Variants in UBE4B observed in about 807,000 individuals in gnomAD.
UBE4B encodes the protein ubiquitination factor E4B, also known as ubiquitin conjugation factor E4 B.
Under a neutral mutation model 148.1 loss-of-function variants are expected in UBE4B, and 27 were observed. The ratio of observed to expected loss-of-function variants is 0.18; its 90% CI spans 0.13 to 0.25. The LOEUF (loss-of-function observed/expected upper bound fraction) is 0.25. UBE4B is among the 10% of genes least tolerant of loss of function. UBE4B has a pLI of 1.00. For synonymous variants in UBE4B, 596 were observed against 619.3 expected (o/e 0.96, Z 0.56); for missense variants, 1,170 against 1,662.4 (o/e 0.70, Z 5.15).
intron 1 of UBE4B, among the ~76,000 whole-genome samples, chr1:10,058,081 G>A (rs573183932): frequency 6.6e-6 from 1 of 152,278 alleles, no homozygotes; most frequent in East Asian, 1.9e-4. Context: ...GCCAGGAGCC[G>A]ACATGGATGA....
chr1:10,148,218 T>TC (rs1400018806), intron 19 of UBE4B, among the ~76,000 whole-genome samples: 4 of 142,604 alleles, frequency 2.8e-5, no homozygotes, highest in African/African-American at 1.0e-4. Flanking sequence ...CGAGCAAGAC[T>TC]CCATCTCAAA....
chr1:10,132,626 A>G (rs111337758), intron 15 of UBE4B, 144 bp downstream of exon 15: 1 of 632,532 alleles, frequency 1.6e-6, no homozygotes, highest in Non-Finnish European at 2.8e-6. Flanking sequence ...TGTGGAGCCC[A>G]TGTTCCACAG....
chr1:10,115,742 A>G (rs1229455221), intron 7 of UBE4B, among the ~76,000 whole-genome samples: 1 of 152,144 alleles, frequency 6.6e-6, no homozygotes, highest in African/African-American at 2.4e-5. Context: ...CACAACCTAG[A>G]TCATACAGCC....
chr1:10,157,314 C>A (rs1280639839), intron 21 of UBE4B, among the ~76,000 whole-genome samples: 1 of 152,232 alleles, frequency 6.6e-6, no homozygotes, highest in African/African-American at 2.4e-5. Context: ...AGCCACCACG[C>A]TCAGCCATAA....
At chr1:10,099,030 G>C (rs1276102594) in intron 3 of UBE4B, among the ~76,000 whole-genome samples, 3 of 152,152 alleles carry the variant, frequency 2.0e-5, no homozygotes, top group African/African-American at 7.2e-5. Context: ...CTTGAGGTCA[G>C]GAGTTCGAGA....
intron 5 of UBE4B, among the ~76,000 whole-genome samples, chr1:10,105,008 G>A (rs750296736): frequency 2.4e-4 from 37 of 152,188 alleles, no homozygotes; most frequent in Non-Finnish European, 4.1e-4. Flanking sequence ...AAAGCCACAT[G>A]GTGACTAGAT....
chr1:10,173,474 T>G (rs1476452228), intron 25 of UBE4B, among the ~76,000 whole-genome samples: 1 of 141,678 alleles, frequency 7.1e-6, no homozygotes, highest in Non-Finnish European at 1.5e-5. Flanking sequence ...AGAGCAAGAC[T>G]GTCTCAAAAA....
At chr1:10,043,184 T>A (rs980778610) in intron 1 of UBE4B, among the ~76,000 whole-genome samples, 3 of 151,490 alleles carry the variant, frequency 2.0e-5, no homozygotes, top group African/African-American at 7.3e-5. Flanking sequence ...TAATTTTGTA[T>A]TCTTAGCACA....
intron 1 of UBE4B, among the ~76,000 whole-genome samples, chr1:10,050,799 C>T (rs763373243): frequency 1.3e-4 from 19 of 151,064 alleles, no homozygotes; most frequent in Non-Finnish European, 2.7e-4. Context: ...CTCCTGGCCT[C>T]AAGCCATCTT....
intron 17 of UBE4B, among the ~76,000 whole-genome samples, 194 bp from the exon 18 acceptor site, chr1:10,144,746 A>AAAAAG (rs1553151505): frequency 5.5e-5 from 8 of 146,608 alleles, no homozygotes; most frequent in African/African-American, 1.2e-4. Flanking sequence ...AAAAAAAAAA[A>AAAAAG]AAAGAAAGAA....
rs1042709691 is a variant in UBE4B at position 10,110,601 on chromosome 1, C to T, written c.1196+4018C>T. 5.9e-5 allele frequency among the ~76,000 whole-genome samples: 9 copies of T among 151,870 alleles called. No individual in the cohort carries two copies. In the South Asian group the frequency reaches 6.2e-4, roughly 11 times the overall value. On this transcript the variant is annotated intron_variant, in intron 7 of 27. Transcript: ENST00000343090. ...TGGTAAAGGTACCGCAGAAGTTATC[C>T]GGAGGAAAATGTTTCTAATTGTTTC...
In UBE4B at chr1:10,179,873, C is replaced by T. The variant is rs182207436; in HGVS notation, c.3848-22C>T. 9.9e-6 allele frequency: 16 copies of T among 1,613,112 alleles called. No homozygotes were observed. In the Admixed American group the frequency reaches 2.5e-4, roughly 25 times the overall value. Reference sequence around the variant, plus strand: ...GAGCCCTCCCATCTGGGGCATTAATCCTCCTTTTTTTCTTTTCTCAGTGCC... The same window carrying T: ...GAGCCCTCCCATCTGGGGCATTAATTCTCCTTTTTTTCTTTTCTCAGTGCC... On this transcript the variant is annotated intron_variant, in intron 27 of 27. Coordinates refer to ENST00000343090, the MANE Select transcript of UBE4B (RefSeq NM_001105562.3).
At chr1:10,166,970 C>CACAAA (rs1333675469) in intron 23 of UBE4B, among the ~76,000 whole-genome samples, 10 of 133,250 alleles carry the variant, frequency 7.5e-5, no homozygotes, top group African/African-American at 2.6e-4. Flanking sequence ...CACACACACA[C>CACAAA]AAAAAAAAAA....
At chr1:10,134,836 G>C in intron 15 of UBE4B, 152 bp from the exon 16 acceptor site, 2 of 620,134 alleles carry the variant, frequency 3.2e-6, no homozygotes, top group South Asian at 4.0e-5. Context: ...CTACTTGGGA[G>C]GCTAAGGTGG....
chr1:10,110,459 G>A (rs1360220657), intron 7 of UBE4B, among the ~76,000 whole-genome samples: 1 of 151,934 alleles, frequency 6.6e-6, no homozygotes, highest in African/African-American at 2.4e-5. Context: ...AATCTGTACA[G>A]CAAACCTCCT....
intron 10 of UBE4B, among the ~76,000 whole-genome samples, chr1:10,122,986 C>T (rs1645433757): frequency 6.6e-6 from 1 of 152,154 alleles, no homozygotes; most frequent in Non-Finnish European, 1.5e-5. Flanking sequence ...CAGCCAGGAT[C>T]CAAGAATAAA....
chr1:10,166,425 C>T (rs997992587), intron 23 of UBE4B: 2 of 152,040 alleles, frequency 1.3e-5, no homozygotes, highest in Non-Finnish European at 2.9e-5. Context: ...TCCACAGGCA[C>T]TTGTAGAGGC....
intron 17 of UBE4B, among the ~76,000 whole-genome samples, chr1:10,143,693 TC>T (rs1326817828): frequency 6.6e-6 from 1 of 152,198 alleles, no homozygotes; most frequent in African/African-American, 2.4e-5. Flanking sequence ...TACTCATGTT[TC>T]AGTTGTAGAC....
At chr1:10,092,956 A>G (rs911671217) in intron 2 of UBE4B, among the ~76,000 whole-genome samples, 3 of 152,270 alleles carry the variant, frequency 2.0e-5, no homozygotes, top group African/African-American at 7.2e-5. Flanking sequence ...TGTGAAGATC[A>G]TGTGGAAGAT....
Sources: allele counts gnomAD v4.1 joint callset (sites outside exome capture counted in the v4.1 genomes callset), GRCh38; gene constraint gnomAD v4.1.1; transcripts MANE v1.5; gene names NCBI Gene and HGNC (gene_info 2026-07-23, HGNC 2026-07-21).